The following ITPR1 variants were observed in gnomAD, a reference collection of about 807,000 sequenced individuals.
The protein encoded by ITPR1 is inositol 1,4,5-trisphosphate receptor type 1, also known as inositol 1,4,5-trisphosphate-gated calcium channel ITPR1.
Under a neutral mutation model 318.4 loss-of-function variants are expected in ITPR1, and 96 were observed. The observed-to-expected ratio is 0.30, with a 90% CI of 0.26 to 0.36. The LOEUF is 0.36. Among genes scored for constraint, ITPR1 ranks in the 10% least tolerant of loss-of-function variants. The pLI, the probability that ITPR1 is intolerant of heterozygous loss-of-function variation, is 1.00. For synonymous variants in ITPR1, 1,312 were observed against 1,289.9 expected, an observed-to-expected ratio of 1.02 and a Z score of -0.37; for missense variants, 2,440 against 3,460.2, an observed-to-expected ratio of 0.71 and a Z score of 7.40.
chr3:4,637,596 G>T (rs2093228276), intron 5 of ITPR1, among the ~76,000 whole-genome samples: 1 of 152,204 alleles, frequency 6.6e-6, no homozygotes, highest in African/African-American at 2.4e-5. Flanking sequence ...ATAGCAGACT[G>T]GTAACTAATT....
intron 33 of ITPR1, among the ~76,000 whole-genome samples, chr3:4,694,834 T>C (rs1574897449): frequency 6.6e-6 from 1 of 152,338 alleles, no homozygotes; most frequent in Non-Finnish European, 1.5e-5. Context: ...TATCAAAGAC[T>C]GTAACGGGGT....
intron 4 of ITPR1, among the ~76,000 whole-genome samples, chr3:4,527,494 C>T (rs2083076712): frequency 6.6e-6 from 1 of 152,134 alleles, no homozygotes; most frequent in African/African-American, 2.4e-5. Context: ...GCACTTTTAG[C>T]CATTGCCCCA....
chr3:4,736,004 A>AT (rs2043238720), intron 44 of ITPR1, among the ~76,000 whole-genome samples: 2 of 152,170 alleles, frequency 1.3e-5, no homozygotes, highest in South Asian at 2.1e-4. Flanking sequence ...AATTTTCATG[A>AT]TTTTTTCTTC....
chr3:4,644,143 T>C lies in ITPR1; in HGVS notation c.533T>C (p.Ile178Thr). ...KLRSIGDSVV[I>T]GDKVVLNPVN... The stretch of plus-strand genomic sequence containing the variant: ...TGCTCCTTTCCATTCCAGGTGGTCA[T>C]AGGTGACAAGGTGGTTCTGAACCCC... The change falls in exon 8 of 62, where the codon ATA becomes ACA. Residue 178 changes from isoleucine (I) to threonine (T), a missense_variant. By Grantham distance (89) the Ile-to-Thr change is moderately conservative. Around this residue, in one of 23 missense-constraint regions of ITPR1, gnomAD observed 186 missense variants for 323.9 expected, o/e 0.57. Coordinates refer to ENST00000649015, the MANE Select transcript of ITPR1 (RefSeq NM_001378452.1). 6.2e-7 allele frequency: 1 copy of C among 1,609,680 alleles called. No homozygotes were observed. Among genetic ancestry groups the C allele is most frequent in the Admixed American group, 1.7e-5 (1 of 59,680 alleles).
At chr3:4,752,552 A>C (rs1018645041) in intron 44 of ITPR1, among the ~76,000 whole-genome samples, 1 of 152,234 alleles carries the variant, frequency 6.6e-6, no homozygotes, top group Admixed American at 6.5e-5. Context: ...GAGCTTTCAC[A>C]TGCAGGCTTC....
At chr3:4,515,080 A>G (rs2082085557) in intron 2 of ITPR1, among the ~76,000 whole-genome samples, 1 of 152,184 alleles carries the variant, frequency 6.6e-6, no homozygotes, top group Admixed American at 6.5e-5. Flanking sequence ...TGTTTAATGA[A>G]ATGCTCTTTA....
chr3:4,740,800 C>T (rs2043645872), intron 44 of ITPR1, among the ~76,000 whole-genome samples: 1 of 152,180 alleles, frequency 6.6e-6, no homozygotes. Context: ...AGTACCACAG[C>T]CCGTGGATTT....
At chr3:4,747,881 C>T (rs191281957) in intron 44 of ITPR1, among the ~76,000 whole-genome samples, 14 of 152,294 alleles carry the variant, frequency 9.2e-5, no homozygotes, top group African/African-American at 3.4e-4. Context: ...TCTAAAGAAG[C>T]ATATGTTCTT....
chr3:4,811,855 C>T lies in ITPR1; in HGVS notation c.7468+395C>T, dbSNP rs772076896. 3.9e-5 allele frequency among the ~76,000 whole-genome samples: 6 copies of T among 152,118 alleles called. No homozygotes were observed. In the South Asian group the frequency reaches 1.0e-3, roughly 26 times the overall value. On this transcript the variant is annotated intron_variant, in intron 56 of 61. Transcript: ENST00000649015. ...GTAGAAACAGACATATATGGGAGAA[C>T]GTTCGCTGCAGTGTACAGTTGGAAG... is the stretch of plus-strand genomic sequence containing the variant.
chr3:4,608,344 C>G (rs1006420811), intron 4 of ITPR1, among the ~76,000 whole-genome samples: 2 of 152,070 alleles, frequency 1.3e-5, no homozygotes, highest in Non-Finnish European at 2.9e-5. Flanking sequence ...GTGTAGAATT[C>G]CAGCCATCAA....
chr3:4,686,691 G>A (rs749605693), intron 30 of ITPR1, among the ~76,000 whole-genome samples: 4 of 152,230 alleles, frequency 2.6e-5, no homozygotes, highest in Non-Finnish European at 4.4e-5. Context: ...CCAAAGAACG[G>A]TGGAGGAATC....
At chr3:4,634,643 G>A (rs780133202) in intron 5 of ITPR1, among the ~76,000 whole-genome samples, 2 of 152,136 alleles carry the variant, frequency 1.3e-5, no homozygotes, top group South Asian at 2.1e-4. Flanking sequence ...GATGTGATTC[G>A]TAAATTGTGT....
intron 49 of ITPR1, among the ~76,000 whole-genome samples, chr3:4,780,186 C>G (rs567030928): frequency 6.6e-6 from 1 of 152,266 alleles, no homozygotes; most frequent in East Asian, 1.9e-4. Flanking sequence ...AGATTCATGT[C>G]AAGCCCTAGC....
intron 4 of ITPR1, among the ~76,000 whole-genome samples, chr3:4,572,981 C>T (rs1182944760): frequency 2.0e-5 from 3 of 152,082 alleles, no homozygotes; most frequent in Non-Finnish European, 4.4e-5. Flanking sequence ...TTGGTTTATC[C>T]ATTCATTTAT....
intron 4 of ITPR1, among the ~76,000 whole-genome samples, chr3:4,615,373 CTTTTTTTTTTTTT>C (rs11330102): frequency 8.1e-6 from 1 of 122,828 alleles, no homozygotes; most frequent in East Asian, 2.6e-4. Context: ...TGATTTCTTT[CTTTTTTTTTTTTT>C]TTTTTTTGAG....
At chr3:4,602,155 T>A (rs1173838826) in intron 4 of ITPR1, among the ~76,000 whole-genome samples, 1 of 152,154 alleles carries the variant, frequency 6.6e-6, no homozygotes, top group African/African-American at 2.4e-5. Context: ...AACATAGAGT[T>A]ACTATATGAT....
At chr3:4,613,449 G>A (rs576876532) in intron 4 of ITPR1, among the ~76,000 whole-genome samples, 3 of 152,192 alleles carry the variant, frequency 2.0e-5, no homozygotes, top group East Asian at 1.9e-4. Context: ...TTTCTTTCAC[G>A]GAAGAGGGAA....
chr3:4,597,069 T>G lies in ITPR1; in HGVS notation c.164-30694T>G, dbSNP rs553739965. ...ACTATGTGGCCTGTCTGAAGGGGTC[T>G]TCTTATTCGCCTCCAGCTTCTTGCT... On this transcript the variant is annotated intron_variant, in intron 4 of 61. Coordinates refer to ENST00000649015, the MANE Select transcript of ITPR1 (RefSeq NM_001378452.1). Among the ~76,000 whole-genome samples, 149 of 152,356 alleles carry G rather than the reference T, an allele frequency of 9.8e-4. 1 individual carries two copies. Among genetic ancestry groups the G allele is most frequent in the Middle Eastern group, 3.4e-3 (1 of 294 alleles).
chr3:4,531,471 C>T (rs781238701), intron 4 of ITPR1, among the ~76,000 whole-genome samples: 39 of 152,154 alleles, frequency 2.6e-4, no homozygotes, highest in Non-Finnish European at 1.3e-4. Flanking sequence ...CTAGGGGAAT[C>T]AGCACAGGTC....
Sources: gnomAD v4.1 joint callset for allele counts (sites outside exome capture counted in the v4.1 genomes callset) on GRCh38, gnomAD v4.1.1 for gene constraint, gnomAD v4.1.1 regional missense constraint, MANE v1.5 for transcripts, NCBI Gene and HGNC (gene_info 2026-07-23, HGNC 2026-07-21) for gene names.